The following NEK10 variants were observed in gnomAD, a reference collection of about 807,000 sequenced individuals.
NEK10 encodes the protein serine/threonine-protein kinase Nek10.
A neutral mutation model predicts 159.8 loss-of-function variants in NEK10; 122 were observed. That is an observed-to-expected ratio of 0.76 (90% CI 0.66 to 0.89). The LOEUF is 0.89. Ranked by LOEUF, NEK10 falls within the 40% of genes least tolerant of loss-of-function variation. The pLI, the probability that NEK10 is intolerant of heterozygous loss-of-function variation, is 0.00. For synonymous variants in NEK10, 466 were observed against 457.1 expected (o/e 1.02, Z -0.25); for missense variants, 1,342 against 1,323.1 (o/e 1.01, Z -0.22).
At chr3:27,127,271 T>TA (rs1037838763) in intron 32 of NEK10, among the ~76,000 whole-genome samples, 2 of 152,092 alleles carry the variant, frequency 1.3e-5, no homozygotes, top group African/African-American at 4.8e-5. Context: ...GATTTCTTTT[T>TA]AAAAAACAAA....
At chr3:27,151,390 A>T (rs1004332511) in intron 30 of NEK10, among the ~76,000 whole-genome samples, 1 of 152,134 alleles carries the variant, frequency 6.6e-6, no homozygotes, top group Non-Finnish European at 1.5e-5. Context: ...GGGTGGCTAG[A>T]TCCAGAAGAG....
intron 5 of NEK10, among the ~76,000 whole-genome samples, chr3:27,337,638 C>A (rs1575812223): frequency 6.6e-6 from 1 of 151,974 alleles, no homozygotes; most frequent in Non-Finnish European, 1.5e-5. Flanking sequence ...AACCCCAAAA[C>A]AAATCCACAT....
intron 30 of NEK10, among the ~76,000 whole-genome samples, chr3:27,146,197 C>A (rs1038505055): frequency 7.9e-5 from 12 of 152,078 alleles, no homozygotes; most frequent in Non-Finnish European, 1.8e-4. Flanking sequence ...AATAAAATAG[C>A]CAAGTTAGTT....
At chr3:27,229,177 T>A (rs1472047861) in intron 23 of NEK10, among the ~76,000 whole-genome samples, 4 of 152,180 alleles carry the variant, frequency 2.6e-5, no homozygotes, top group Non-Finnish European at 5.9e-5. Context: ...ACAGTGAATT[T>A]GCCCACACAC....
chr3:27,315,763 C>T (rs573909538), intron 6 of NEK10, among the ~76,000 whole-genome samples: 5 of 152,152 alleles, frequency 3.3e-5, no homozygotes, highest in South Asian at 2.1e-4. Context: ...TAAGACAGAA[C>T]GAGATAAGTG....
At chr3:27,346,747 T>A (rs2047581291) in intron 3 of NEK10, among the ~76,000 whole-genome samples, 1 of 152,210 alleles carries the variant, frequency 6.6e-6, no homozygotes, top group African/African-American at 2.4e-5. Context: ...ACACACTATT[T>A]TCCTGGTGTT....
rs552192247 is a variant in NEK10 at position 27,108,282 on chromosome 3, C to G, written c.*2990G>C. Among the ~76,000 whole-genome samples, 1 of 152,180 alleles carries G rather than the reference C, an allele frequency of 6.6e-6. No homozygotes were observed. Among genetic ancestry groups the G allele is most frequent in the East Asian group, 1.9e-4 (1 of 5,190 alleles). ...TCCACAATAAACAAGCAGCATTTCT[C>G]TAGGTTTCTGAAATTCATCCACAAG... On this transcript the variant is annotated 3_prime_UTR_variant, in exon 36 of 36. Coordinates refer to ENST00000691995, the MANE Select transcript of NEK10 (RefSeq NM_001394966.1).
intron 23 of NEK10, among the ~76,000 whole-genome samples, chr3:27,220,067 T>C (rs1190876266): frequency 6.6e-6 from 1 of 152,212 alleles, no homozygotes; most frequent in Non-Finnish European, 1.5e-5. Context: ...AAAAAAGTTT[T>C]TTAAAAAAGA....
chr3:27,350,301 GT>G (rs1253444990), intron 3 of NEK10, among the ~76,000 whole-genome samples: 1 of 152,070 alleles, frequency 6.6e-6, no homozygotes, highest in Non-Finnish European at 1.5e-5. Flanking sequence ...TTGGGCCCTG[GT>G]TTTAATGTAT....
At chr3:27,204,301 G>GTTTTTTTTTTTTTTTTTTTTTTTTTT (rs567092116) in intron 23 of NEK10, among the ~76,000 whole-genome samples, 2 of 66,378 alleles carry the variant, frequency 3.0e-5, no homozygotes, top group Admixed American at 2.0e-4. Flanking sequence ...TTTTGTTGTT[G>GTTTTTTTTTTTTTTTTTTTTTTTTTT]TTTTTTTTTT....
intron 23 of NEK10, among the ~76,000 whole-genome samples, chr3:27,214,558 G>T (rs6805966): frequency 0.51 from 61,039 of 120,076 alleles, 13,697 homozygotes; most frequent in African/African-American, 0.69. Context: ...TCTTTTTTTT[G>T]TTTTTCCTAT....
intron 22 of NEK10, among the ~76,000 whole-genome samples, chr3:27,282,299 C>G (rs1057347873): frequency 4.6e-5 from 7 of 151,756 alleles, no homozygotes; most frequent in Non-Finnish European, 8.8e-5. Context: ...ATTTTATAAA[C>G]TATTTTGATG....
At chr3:27,332,083 G>C (rs1250529437) in intron 5 of NEK10, among the ~76,000 whole-genome samples, 1 of 152,134 alleles carries the variant, frequency 6.6e-6, no homozygotes, top group Non-Finnish European at 1.5e-5. Context: ...TAGAACGATA[G>C]TACCAGAACG....
At chr3:27,196,744 G>C (rs1240634637) in intron 25 of NEK10, among the ~76,000 whole-genome samples, 1 of 152,160 alleles carries the variant, frequency 6.6e-6, no homozygotes. Flanking sequence ...CTCGCCCTTT[G>C]TGGCACTCAA....
chr3:27,284,376 A>G (rs2042421148), intron 22 of NEK10, among the ~76,000 whole-genome samples: 1 of 151,902 alleles, frequency 6.6e-6, no homozygotes. Flanking sequence ...ACAGAGCAAG[A>G]CTCTGTCTCG....
At chr3:27,297,853 T>C (rs2043475822) in intron 13 of NEK10, among the ~76,000 whole-genome samples, 1 of 152,208 alleles carries the variant, frequency 6.6e-6, no homozygotes, top group Admixed American at 6.5e-5. Flanking sequence ...TGCACTGAGA[T>C]ACTTGTGCTC....
intron 29 of NEK10, among the ~76,000 whole-genome samples, chr3:27,165,643 G>A (rs554012197): frequency 6.4e-4 from 97 of 152,290 alleles, no homozygotes; most frequent in African/African-American, 2.1e-3. Flanking sequence ...AATTCTAAAA[G>A]GCCATCCCTT....
chr3:27,357,449 G>C (rs539118493), intron 1 of NEK10, among the ~76,000 whole-genome samples: 30 of 152,118 alleles, frequency 2.0e-4, no homozygotes, highest in African/African-American at 6.7e-4. Flanking sequence ...TCAGTCATTG[G>C]GGGAAACTTA....
At chr3:27,120,897 C>A (rs927739981) in intron 32 of NEK10, among the ~76,000 whole-genome samples, 1 of 152,044 alleles carries the variant, frequency 6.6e-6, no homozygotes, top group African/African-American at 2.4e-5. Context: ...AATATAAATT[C>A]ATAATAATAA....
Sources: allele counts gnomAD v4.1 joint callset (sites outside exome capture counted in the v4.1 genomes callset), GRCh38; gene constraint gnomAD v4.1.1; transcripts MANE v1.5; gene names NCBI Gene and HGNC (gene_info 2026-07-23, HGNC 2026-07-21).